The following CNTNAP2 variants were observed in gnomAD, a reference collection of about 807,000 sequenced individuals.
CNTNAP2 encodes the protein contactin associated protein 2.
A neutral mutation model predicts 155.2 loss-of-function variants in CNTNAP2; 98 were observed. The ratio of observed to expected loss-of-function variants is 0.63; its 90% confidence interval spans 0.54 to 0.75. CNTNAP2 has a LOEUF of 0.75. Ranked by LOEUF, CNTNAP2 falls within the 30% of genes least tolerant of loss-of-function variation. The probability of loss-of-function intolerance (pLI) is 0.00; values close to 1 mark genes in which losing one functional copy is unlikely to be tolerated. For synonymous variants in CNTNAP2, 651 were observed against 631.2 expected, an observed-to-expected ratio of 1.03 and a Z score of -0.47; for missense variants, 1,727 against 1,688.1, an observed-to-expected ratio of 1.02 and a Z score of -0.40.
At chr7:146,370,569 A>T (rs1221971179) in intron 1 of CNTNAP2, among the ~76,000 whole-genome samples, 6 of 152,294 alleles carry the variant, frequency 3.9e-5, no homozygotes, top group Non-Finnish European at 1.5e-5. Context: ...GTCTATTCAG[A>T]CACCAGCACC....
chr7:146,672,583 A>T (rs1481731023), intron 1 of CNTNAP2, among the ~76,000 whole-genome samples: 1 of 152,212 alleles, frequency 6.6e-6, no homozygotes, highest in Non-Finnish European at 1.5e-5. Flanking sequence ...TGGAATGGGA[A>T]CACGGGTTAT....
intron 1 of CNTNAP2, among the ~76,000 whole-genome samples, chr7:146,263,625 T>C (rs1799953157): frequency 6.6e-6 from 1 of 152,194 alleles, no homozygotes. Flanking sequence ...TCCTAGAGGT[T>C]GTAGACAGAG....
chr7:146,454,887 T>G (rs1429195441), intron 1 of CNTNAP2, among the ~76,000 whole-genome samples: 1 of 152,158 alleles, frequency 6.6e-6, no homozygotes, highest in Non-Finnish European at 1.5e-5. Context: ...GGAAAAATTG[T>G]ATTATACTTT....
intron 10 of CNTNAP2, among the ~76,000 whole-genome samples, chr7:147,441,813 T>TTCTCTTTCTCTCTCTCTCTC (rs1797640060): frequency 9.8e-6 from 1 of 102,114 alleles, no homozygotes; most frequent in East Asian, 3.6e-4. Flanking sequence ...TGTAGTCTCT[T>TTCTCTTTCTCTCTCTCTCTC]TCTCTCTCTC....
At chr7:146,596,950 G>T (rs1798871326) in intron 1 of CNTNAP2, among the ~76,000 whole-genome samples, 1 of 152,034 alleles carries the variant, frequency 6.6e-6, no homozygotes, top group South Asian at 2.1e-4. Context: ...CATCCCCACT[G>T]CCTAATATGT....
chr7:147,159,058 G>T (rs976159592), intron 8 of CNTNAP2, among the ~76,000 whole-genome samples: 13 of 152,044 alleles, frequency 8.6e-5, no homozygotes, highest in Non-Finnish European at 1.5e-4. Flanking sequence ...CTTGATTTGG[G>T]CAAGAGGATG....
intron 1 of CNTNAP2, among the ~76,000 whole-genome samples, chr7:146,347,138 T>TAAAAAAAAAAAAAA (rs59530824): frequency 1.1e-5 from 1 of 93,876 alleles, no homozygotes; most frequent in African/African-American, 3.5e-5. Context: ...CCATACTCTG[T>TAAAAAAAAAAAAAA]AAAAAAAAAA....
At chr7:146,598,594 C>T (rs1041889866) in intron 1 of CNTNAP2, among the ~76,000 whole-genome samples, 1 of 152,068 alleles carries the variant, frequency 6.6e-6, no homozygotes, top group Non-Finnish European at 1.5e-5. Flanking sequence ...AAACATTTAA[C>T]ACAGTTGTCC....
intron 2 of CNTNAP2, among the ~76,000 whole-genome samples, chr7:146,796,049 A>G (rs1325694463): frequency 6.6e-6 from 1 of 152,248 alleles, no homozygotes; most frequent in Non-Finnish European, 1.5e-5. Flanking sequence ...AAGAATACAT[A>G]CAATGTCATT....
chr7:147,552,450 A>G (rs1282295545), intron 11 of CNTNAP2, among the ~76,000 whole-genome samples: 1 of 152,088 alleles, frequency 6.6e-6, no homozygotes, highest in African/African-American at 2.4e-5. Context: ...TTAAATGACT[A>G]AAGTTTGCAT....
rs554313703 is a variant in CNTNAP2, at chr7:148,188,041, G to A, written c.3010+15563G>A. Among the ~76,000 whole-genome samples, 8 of 152,044 alleles carry A rather than the reference G, an allele frequency of 5.3e-5. No homozygotes were observed. The East Asian group carries it at 1.5e-3, about 29-fold the overall frequency. ...CACAAAGCCACCCACTACCATTGCA[G>A]CAGGGAATCACTGATTTTTTTAAAT... On this transcript the variant is annotated intron_variant, in intron 18 of 23. Coordinates refer to ENST00000361727, the MANE Select transcript of CNTNAP2 (RefSeq NM_014141.6).
At chr7:147,725,237 T>A (rs1280123945) in intron 13 of CNTNAP2, among the ~76,000 whole-genome samples, 1 of 152,054 alleles carries the variant, frequency 6.6e-6, no homozygotes, top group African/African-American at 2.4e-5. Flanking sequence ...AGAAATCTTT[T>A]GAGAATTTAA....
chr7:147,593,007 A>G (rs1800768107), intron 12 of CNTNAP2, among the ~76,000 whole-genome samples: 1 of 152,230 alleles, frequency 6.6e-6, no homozygotes, highest in Admixed American at 6.5e-5. Context: ...ACCTTACTCA[A>G]AACATTATTT....
chr7:147,848,729 A>T (rs1169037054), intron 13 of CNTNAP2, among the ~76,000 whole-genome samples: 2 of 151,960 alleles, frequency 1.3e-5, no homozygotes, highest in East Asian at 3.9e-4. Flanking sequence ...AAAAAAAATA[A>T]CTAAATATTT....
intron 9 of CNTNAP2, among the ~76,000 whole-genome samples, chr7:147,372,002 C>T (rs765887380): frequency 2.6e-5 from 4 of 152,012 alleles, no homozygotes; most frequent in Non-Finnish European, 4.4e-5. Context: ...GTACGGTAGC[C>T]ACCACAAAGG....
chr7:146,415,175 T>G (rs1795921217), intron 1 of CNTNAP2, among the ~76,000 whole-genome samples: 1 of 152,026 alleles, frequency 6.6e-6, no homozygotes, highest in African/African-American at 2.4e-5. Context: ...AGAAAGTAAC[T>G]GCCATGGTGA....
intron 14 of CNTNAP2, among the ~76,000 whole-genome samples, chr7:147,916,834 C>A (rs1296835168): frequency 6.6e-6 from 1 of 152,162 alleles, no homozygotes; most frequent in Non-Finnish European, 1.5e-5. Flanking sequence ...CTGTGTCCCA[C>A]TGAAAGTTCA....
At chr7:146,199,203 TTAGAGA>T (rs1170016770) in intron 1 of CNTNAP2, among the ~76,000 whole-genome samples, 2 of 152,224 alleles carry the variant, frequency 1.3e-5, no homozygotes, top group Non-Finnish European at 2.9e-5. Context: ...CAATAACCTC[TTAGAGA>T]TAGAATCCAG....
chr7:146,850,294 A>T (rs1200674079), intron 3 of CNTNAP2, among the ~76,000 whole-genome samples: 1 of 152,222 alleles, frequency 6.6e-6, no homozygotes, highest in Non-Finnish European at 1.5e-5. Context: ...CATTTCTCCG[A>T]TGAACTTCAC....
Sources: allele counts gnomAD v4.1 joint callset (sites outside exome capture counted in the v4.1 genomes callset), GRCh38; gene constraint gnomAD v4.1.1; transcripts MANE v1.5; gene names NCBI Gene and HGNC (gene_info 2026-07-23, HGNC 2026-07-21).